MMP16: variants seen among roughly 807,000 people sequenced by gnomAD.
MMP16 encodes the protein matrix metallopeptidase 16.
In MMP16, 12 loss-of-function variants were observed where a neutral mutation model predicts 67.8. The ratio of observed to expected loss-of-function variants is 0.18; its 90% CI spans 0.11 to 0.29. The LOEUF (loss-of-function observed/expected upper bound fraction) is 0.29, where lower values mean the gene tolerates loss of function less well. Ranked by LOEUF, MMP16 falls within the 10% of genes least tolerant of loss-of-function variation. The pLI is 1.00. For missense variants in MMP16, 475 were observed against 765.7 expected (o/e 0.62, Z 4.48); for synonymous variants, 249 against 255.9 (o/e 0.97, Z 0.26).
chr8:88,199,863 T>A (rs1489912548), intron 1 of MMP16, among the ~76,000 whole-genome samples: 1 of 152,002 alleles, frequency 6.6e-6, no homozygotes, highest in African/African-American at 2.4e-5. Context: ...AAATACTAAA[T>A]TTGTCTCTTG....
intron 1 of MMP16, among the ~76,000 whole-genome samples, chr8:88,248,657 AGTAATTTCTCACACATCTGAT>A: frequency 6.6e-6 from 1 of 152,114 alleles, no homozygotes; most frequent in Non-Finnish European, 1.5e-5. Flanking sequence ...CTCTGAGGTC[AGTAATTTCTCACACATCTGAT>A]CATCAGAATA....
intron 4 of MMP16, among the ~76,000 whole-genome samples, chr8:88,162,868 G>A (rs988551926): frequency 6.6e-6 from 1 of 151,972 alleles, no homozygotes; most frequent in African/African-American, 2.4e-5. Flanking sequence ...CCCCAGTCAT[G>A]TCTCCCATAC....
chr8:88,186,033 A>G (rs1234610014), intron 3 of MMP16, among the ~76,000 whole-genome samples: 1 of 152,224 alleles, frequency 6.6e-6, no homozygotes, highest in Non-Finnish European at 1.5e-5. Context: ...CTGTTACTGA[A>G]GACAAAACCA....
rs187784094 is a variant in MMP16, at chr8:88,089,985, G to A, written c.1084-15242C>T. On this transcript the variant is annotated intron_variant, in intron 6 of 9. Transcript: ENST00000286614. Reference sequence around the variant, plus strand: ...TTATGTTGGGAGATAACAGTGAAAAGTTCAAATGTAATTGAGAATATGTAA... The same window carrying A: ...TTATGTTGGGAGATAACAGTGAAAAATTCAAATGTAATTGAGAATATGTAA... 1.3e-3 allele frequency among the ~76,000 whole-genome samples: 198 copies of A among 152,052 alleles called. 1 individual carries two copies. The highest frequency in any genetic ancestry group is 6.8e-3 in the Middle Eastern group (2 of 294).
At chr8:88,223,584 T>A (rs915835540) in intron 1 of MMP16, among the ~76,000 whole-genome samples, 2 of 150,774 alleles carry the variant, frequency 1.3e-5, no homozygotes, top group Non-Finnish European at 3.0e-5. Context: ...GAGCAAACTA[T>A]GGCAAGGACA....
chr8:88,086,323 T>C (rs1808833675), intron 6 of MMP16, among the ~76,000 whole-genome samples: 1 of 152,064 alleles, frequency 6.6e-6, no homozygotes, highest in East Asian at 1.9e-4. Context: ...ACATTACTGC[T>C]GTATGATATT....
chr8:88,301,230 A>G (rs919491914), intron 1 of MMP16, among the ~76,000 whole-genome samples: 1 of 152,202 alleles, frequency 6.6e-6, no homozygotes, highest in Admixed American at 6.5e-5. Flanking sequence ...TGCCGGGGGG[A>G]AAGAAAGTCC....
At chr8:88,208,628 T>C (rs573641747) in intron 1 of MMP16, among the ~76,000 whole-genome samples, 66 of 151,870 alleles carry the variant, frequency 4.3e-4, no homozygotes, top group Middle Eastern at 6.8e-3. Context: ...AGATCCCCAA[T>C]AGAGAGAAAA....
chr8:88,106,814 T>G (rs1009594124), intron 6 of MMP16, among the ~76,000 whole-genome samples: 3 of 151,170 alleles, frequency 2.0e-5, no homozygotes, highest in African/African-American at 7.3e-5. Flanking sequence ...TATAAGCCCA[T>G]TATAATTTTT....
intron 1 of MMP16, among the ~76,000 whole-genome samples, chr8:88,215,182 T>A (rs970862243): frequency 6.6e-6 from 1 of 151,778 alleles, no homozygotes; most frequent in East Asian, 1.9e-4. Flanking sequence ...ACAAAAAAAT[T>A]AGCTGGGCGT....
At chr8:88,184,637 C>T (rs1459368554) in intron 3 of MMP16, among the ~76,000 whole-genome samples, 1 of 131,268 alleles carries the variant, frequency 7.6e-6, no homozygotes, top group Non-Finnish European at 1.6e-5. Context: ...ATCCCAGCTA[C>T]TCAACGGGCT....
chr8:88,180,379 A>AG (rs1808961163), intron 3 of MMP16, among the ~76,000 whole-genome samples: 1 of 152,062 alleles, frequency 6.6e-6, no homozygotes, highest in Non-Finnish European at 1.5e-5. Context: ...GTCCTGCTAT[A>AG]TGTTTCCTGC....
At position 88,104,859 on chromosome 8, in the gene MMP16, T is replaced by C. The variant is rs952466217; in HGVS notation, c.1083+11648A>G. On this transcript the variant is annotated intron_variant, in intron 6 of 9. Transcript: ENST00000286614. ...GTGTCTTAGTTTTTTAACAAAACAG[T>C]TTAAAAAGAAAAAAAAAATCCAAAA... Among the ~76,000 whole-genome samples the C allele has an allele frequency of 9.3e-5, 14 of 150,910 alleles. 1 individual carries two copies. The highest frequency in any genetic ancestry group is 3.1e-4 in the African/African-American group (13 of 41,270).
At chr8:88,158,974 G>A (rs1053401155) in intron 4 of MMP16, among the ~76,000 whole-genome samples, 26 of 152,160 alleles carry the variant, frequency 1.7e-4, no homozygotes, top group African/African-American at 6.3e-4. Flanking sequence ...TTAGATGGTT[G>A]TAGATGTGTG....
At chr8:88,323,719 T>C (rs1054076703) in intron 1 of MMP16, among the ~76,000 whole-genome samples, 2 of 151,988 alleles carry the variant, frequency 1.3e-5, no homozygotes, top group African/African-American at 4.8e-5. Context: ...GTTGACGATA[T>C]GAGAGGTATT....
intron 4 of MMP16, among the ~76,000 whole-genome samples, chr8:88,126,164 G>A (rs1016603566): frequency 6.6e-6 from 1 of 151,712 alleles, no homozygotes; most frequent in African/African-American, 2.4e-5. Context: ...GAATTATTGA[G>A]CTATTGATAA....
intron 1 of MMP16, among the ~76,000 whole-genome samples, chr8:88,252,930 ATAG>A (rs757224437): frequency 8.5e-5 from 13 of 152,130 alleles, no homozygotes; most frequent in Admixed American, 1.3e-4. Flanking sequence ...TGCTAAATGA[ATAG>A]TAGATTTGAT....
intron 1 of MMP16, among the ~76,000 whole-genome samples, chr8:88,283,091 T>C (rs1810766859): frequency 6.6e-6 from 1 of 152,184 alleles, no homozygotes; most frequent in East Asian, 1.9e-4. Flanking sequence ...TCTGGATTAG[T>C]GGACAACACA....
At chr8:88,157,644 G>A (rs1263288165) in intron 4 of MMP16, among the ~76,000 whole-genome samples, 1 of 151,338 alleles carries the variant, frequency 6.6e-6, no homozygotes, top group Non-Finnish European at 1.5e-5. Context: ...TAAGCCATAG[G>A]AATTTCTGGT....
Sources: gnomAD v4.1 joint callset for allele counts (sites outside exome capture counted in the v4.1 genomes callset) on GRCh38, gnomAD v4.1.1 for gene constraint, MANE v1.5 for transcripts, NCBI Gene and HGNC (gene_info 2026-07-23, HGNC 2026-07-21) for gene names.